The following WIPF2 variants were observed in gnomAD, a reference collection of about 807,000 sequenced individuals.
WIPF2 encodes WAS/WASL-interacting protein family member 2.
Under a neutral mutation model 38.8 loss-of-function variants are expected in WIPF2, and 23 were observed. The ratio of observed to expected loss-of-function variants is 0.59; its 90% CI spans 0.43 to 0.84. WIPF2 has a LOEUF of 0.84. Among genes scored for constraint, WIPF2 ranks in the 40% least tolerant of loss-of-function variants. WIPF2 has a pLI of 0.00. For synonymous variants in WIPF2, 210 were observed against 223.2 expected (o/e 0.94, Z 0.53); for missense variants, 574 against 580.5 (o/e 0.99, Z 0.11).
In WIPF2 at chr17:40,268,324, A is replaced by G. The variant is rs117125160; in HGVS notation, c.970+3178A>G. Reference sequence around the variant, plus strand: ...ATCCCATATCTCCCTAGCTTTAGCCATAATGAGGTAGTGCTAAGGTGGCCC... The same window carrying G: ...ATCCCATATCTCCCTAGCTTTAGCCGTAATGAGGTAGTGCTAAGGTGGCCC... On this transcript the variant is annotated intron_variant, in intron 5 of 7. Coordinates refer to ENST00000323571, the MANE Select transcript of WIPF2 (RefSeq NM_133264.5). 7.6e-3 allele frequency among the ~76,000 whole-genome samples: 1,162 copies of G among 152,328 alleles called. 11 individuals are homozygous for G. The highest frequency in any genetic ancestry group is 0.058 in the Middle Eastern group (17 of 294).
chr17:40,244,022 A>T (rs1166886134), intron 1 of WIPF2, among the ~76,000 whole-genome samples: 1 of 152,212 alleles, frequency 6.6e-6, no homozygotes, highest in Non-Finnish European at 1.5e-5. Flanking sequence ...GTTTGACTGA[A>T]TTGAATTTCA....
chr17:40,244,618 G>T (rs1213969725), intron 1 of WIPF2, among the ~76,000 whole-genome samples: 1 of 152,144 alleles, frequency 6.6e-6, no homozygotes, highest in Non-Finnish European at 1.5e-5. Context: ...GTTCATTTAG[G>T]TTTCTTTGGT....
At chr17:40,254,176 C>A (rs539599731) in intron 1 of WIPF2, among the ~76,000 whole-genome samples, 1 of 151,996 alleles carries the variant, frequency 6.6e-6, no homozygotes, top group Non-Finnish European at 1.5e-5. Context: ...ACAACCATGC[C>A]GGGCTAATTT....
At chr17:40,276,077 C>T (rs1244688322) in intron 6 of WIPF2, among the ~76,000 whole-genome samples, 4 of 152,198 alleles carry the variant, frequency 2.6e-5, no homozygotes, top group East Asian at 3.8e-4. Flanking sequence ...ATGGCTGTCC[C>T]AACTATGTAA....
rs1414504313 is a variant in WIPF2, at chr17:40,279,821, GC to G, written c.*1598del. ...CACGAGATTGCGCCACTGCACTCCA[GC>G]CTGGGCGACAGAGCCAGACTCCGTC... is the stretch of plus-strand genomic sequence containing the variant. On this transcript the variant is annotated 3_prime_UTR_variant, in exon 8 of 8. Transcript: ENST00000323571. The G allele has an allele frequency of 7.1e-6, 1 of 141,600 alleles. No homozygotes were observed. The highest frequency in any genetic ancestry group is 2.8e-5 in the African/African-American group (1 of 36,116). The allele number at this position is 141,600 out of a possible 1,614,324, so 8.8% of individuals were successfully genotyped here.
At position 40,260,594 on chromosome 17, in the gene WIPF2, A is replaced by T. The variant is rs776238864; in HGVS notation, c.123A>T (p.Leu41Phe). Residue 41 changes from leucine to phenylalanine, a missense_variant, in exon 3 of 8, where the codon TTA (leucine) becomes TTT (phenylalanine). By Grantham distance (22) the Leu-to-Phe change is conservative. Coordinates refer to ENST00000323571, the MANE Select transcript of WIPF2 (RefSeq NM_133264.5). ...AGCAGCGGGGTCGAGGCGCCCTCTTACAGGACATTTGCAAAGGGACCAAGC... is the reference window on the plus strand; with the variant it reads ...AGCAGCGGGGTCGAGGCGCCCTCTTTCAGGACATTTGCAAAGGGACCAAGC... ...RDEQRGRGALLQDICKGTKLK... is the reference protein window; with the variant it reads ...RDEQRGRGALFQDICKGTKLK... 7.4e-6 allele frequency: 12 copies of T among 1,613,734 alleles called. 1 individual carries two copies. The South Asian group carries it at 1.3e-4, about 18-fold the overall frequency.
At chr17:40,227,536 C>G (rs1247244150) in intron 1 of WIPF2, among the ~76,000 whole-genome samples, 2 of 151,982 alleles carry the variant, frequency 1.3e-5, no homozygotes, top group Admixed American at 1.3e-4. Context: ...TTCCCAGAGG[C>G]AACTCGTATT....
chr17:40,235,569 CTTTTTTTTTTTT>C (rs777748624), intron 1 of WIPF2, among the ~76,000 whole-genome samples: 3 of 119,898 alleles, frequency 2.5e-5, no homozygotes, highest in Non-Finnish European at 5.2e-5. Context: ...GAGAGTGAGA[CTTTTTTTTTTTT>C]TTTTTTTTTG....
intron 5 of WIPF2, among the ~76,000 whole-genome samples, chr17:40,266,843 T>C (rs926052424): frequency 6.6e-6 from 1 of 152,004 alleles, no homozygotes; most frequent in Non-Finnish European, 1.5e-5. Flanking sequence ...ATAAAAAGGG[T>C]TGGCCTTAGA....
chr17:40,274,288 A>G (rs2032325581), intron 6 of WIPF2, among the ~76,000 whole-genome samples: 2 of 152,204 alleles, frequency 1.3e-5, no homozygotes. Context: ...GCTAGCTTTT[A>G]GGTCAGAGAC....
At chr17:40,260,344 C>T (rs1246775005) in intron 2 of WIPF2, among the ~76,000 whole-genome samples, 191 bp from the exon 3 acceptor site, 1 of 151,648 alleles carries the variant, frequency 6.6e-6, no homozygotes, top group African/African-American at 2.4e-5. Flanking sequence ...TGCCACCATG[C>T]CTAGCTAAGT....
At position 40,236,755 on chromosome 17, in the gene WIPF2, CCCA is replaced by C. The variant is rs572760298; in HGVS notation, c.-70+17267_-70+17269del. Among the ~76,000 whole-genome samples the C allele has an allele frequency of 2.3e-3, 347 of 151,856 alleles. 1 individual carries two copies. The highest frequency in any genetic ancestry group is 8.0e-3 in the African/African-American group (332 of 41,420). On this transcript the variant is annotated intron_variant, in intron 1 of 7. Transcript: ENST00000323571. ...TCCTGAGTAGCTGAGATTACAGGCG[CCCA>C]CCATCACGGCCGGCTAATTTTTGTG...
intron 1 of WIPF2, among the ~76,000 whole-genome samples, chr17:40,226,204 A>T (rs2030477093): frequency 6.8e-6 from 1 of 148,034 alleles, no homozygotes; most frequent in South Asian, 2.1e-4. Context: ...AAAAAAAAAA[A>T]AAAATTTTTT....
Position 40,283,785 on chromosome 17 carries a change from T to C in WIPF2, c.*5560T>C, listed in dbSNP as rs2032603623. On this transcript the variant is annotated 3_prime_UTR_variant, in exon 8 of 8. Coordinates refer to ENST00000323571, the MANE Select transcript of WIPF2 (RefSeq NM_133264.5). ...TTTCGTCACTGCTTTTTAAGCTGAA[T>C]CTTAGCTGGTTTTCTTGAACTTTGA... 6.6e-6 allele frequency: 1 copy of C among 152,240 alleles called. No individual in the cohort carries two copies. 9.4% of individuals were successfully genotyped at this position (152,240 alleles called of 1,614,324 possible).
chr17:40,229,063 C>A (rs766536280), intron 1 of WIPF2, among the ~76,000 whole-genome samples: 12 of 151,734 alleles, frequency 7.9e-5, no homozygotes, highest in Non-Finnish European at 1.6e-4. Context: ...GCCACCATGG[C>A]TAATTTTTGT....
At chr17:40,228,004 CTTTTTGTTTTTT>C (rs1221163294) in intron 1 of WIPF2, among the ~76,000 whole-genome samples, 2 of 119,934 alleles carry the variant, frequency 1.7e-5, no homozygotes, top group African/African-American at 6.9e-5. Context: ...TTTTATACCT[CTTTTTGTTTTTT>C]TTTTTTTTTT....
chr17:40,265,106 G>A lies in WIPF2; in HGVS notation c.930G>A (p.Arg310=), dbSNP rs1042813381. 157 of 1,612,992 alleles carry A rather than the reference G, an allele frequency of 9.7e-5. No individual in the cohort carries two copies. Among genetic ancestry groups the A allele is most frequent in the Non-Finnish European group, 1.3e-4 (152 of 1,179,600 alleles). Residue 310 remains arginine (R), a synonymous_variant, in exon 5 of 8, where the codon AGG becomes AGA. Transcript: ENST00000323571. The part of the protein sequence containing the change: ...TSASPSLLSN[R]PPPPARDPPS... ...CCTCCCCATCTTTACTGAGTAATAG[G>A]CCACCTCCCCCAGCCCGAGACCCTC...
chr17:40,265,054 G>T lies in WIPF2; in HGVS notation c.878G>T (p.Gly293Val), dbSNP rs764392266. The T allele has an allele frequency of 8.7e-6, 14 of 1,613,832 alleles. No individual in the cohort carries two copies. The highest frequency in any genetic ancestry group is 1.1e-5 in the Non-Finnish European group (13 of 1,180,000). The stretch of plus-strand genomic sequence containing the variant: ...AGGAAGACACCAGGGCCTGTCAGAG[G>T]CCTAGCACCTCCTCCACCCACCTCG... The part of the protein sequence containing the change: ...LHRKTPGPVR[G>V]LAPPPPTSAS... The change falls in exon 5 of 8, where the codon GGC becomes GTC. Residue 293 changes from glycine to valine, a missense_variant. By Grantham distance (109) the Gly-to-Val change is moderately radical. Coordinates refer to ENST00000323571, the MANE Select transcript of WIPF2 (RefSeq NM_133264.5).
In WIPF2 at chr17:40,244,288, T is replaced by G. The variant is rs540395230; in HGVS notation, c.-69-12103T>G. The stretch of plus-strand genomic sequence containing the variant: ...TAGGAACCTGTTTGGTTCCTGCCGT[T>G]GTTGGCTCCTGGAGTGGCATGTGAC... On this transcript the variant is annotated intron_variant, in intron 1 of 7. Coordinates refer to ENST00000323571, the MANE Select transcript of WIPF2 (RefSeq NM_133264.5). Among the ~76,000 whole-genome samples, 136 of 152,274 alleles carry G rather than the reference T, an allele frequency of 8.9e-4. 1 individual carries two copies. The South Asian group carries it at 0.026, about 29-fold the overall frequency.
Sources: gnomAD v4.1 joint callset for allele counts (sites outside exome capture counted in the v4.1 genomes callset) on GRCh38, gnomAD v4.1.1 for gene constraint, MANE v1.5 for transcripts, NCBI Gene and HGNC (gene_info 2026-07-23, HGNC 2026-07-21) for gene names.